SKIC3: variants seen among roughly 807,000 people sequenced by gnomAD.
The protein encoded by SKIC3 is SKI3 subunit of superkiller complex.
At chr5:95,529,374 T>A in the SKIC3 span, 8 of 485,892 alleles carry the variant, frequency 1.6e-5, no homozygotes, top group African/African-American at 5.9e-5. Flanking sequence ...AGCTAGAATA[T>A]CTCTAAAAAG....
At chr5:95,520,811 A>G in the SKIC3 span, 1 of 1,610,462 alleles carries the variant, frequency 6.2e-7, no homozygotes, top group Admixed American at 1.7e-5. Context: ...GATGGCATTC[A>G]CCCAAACCTA....
chr5:95,542,388 A>G, the SKIC3 span, among the ~76,000 whole-genome samples: 4 of 152,162 alleles, frequency 2.6e-5, no homozygotes, highest in Non-Finnish European at 4.4e-5. Context: ...CAAGCTAACT[A>G]ACATAACCAT....
the SKIC3 span, among the ~76,000 whole-genome samples, chr5:95,524,883 A>AT: frequency 3.5e-4 from 52 of 148,626 alleles, 1 homozygote; most frequent in East Asian, 1.8e-3. Flanking sequence ...AGCTGATTAG[A>AT]TTTTTTTTTT....
chr5:95,524,378 G>A, the SKIC3 span: 2 of 1,552,310 alleles, frequency 1.3e-6, no homozygotes, highest in Non-Finnish European at 1.8e-6. Context: ...GTTCAGTAAA[G>A]AGTAATTGTA....
chr5:95,542,055 A>T, the SKIC3 span: 1 of 646,668 alleles, frequency 1.5e-6, no homozygotes, highest in Admixed American at 2.7e-5. Flanking sequence ...TCTGTCTGAG[A>T]TTTGCCTCTA....
the SKIC3 span, chr5:95,517,015 C>T: frequency 5.0e-6 from 8 of 1,613,582 alleles, no homozygotes; most frequent in Non-Finnish European, 5.9e-6. Flanking sequence ...CAAGGTCACA[C>T]CATGTATTAG....
chr5:95,545,538 T>C, the SKIC3 span, among the ~76,000 whole-genome samples: 17 of 152,112 alleles, frequency 1.1e-4, no homozygotes, highest in Admixed American at 3.3e-4. Context: ...CACACCAAGT[T>C]CTGCCTCAAT....
the SKIC3 span, chr5:95,528,142 G>A: frequency 1.2e-6 from 2 of 1,613,504 alleles, no homozygotes; most frequent in Non-Finnish European, 1.7e-6. Context: ...GATTATCTAC[G>A]ATCTTCAGAG....
chr5:95,502,638 A>T, the SKIC3 span, among the ~76,000 whole-genome samples: 2 of 152,146 alleles, frequency 1.3e-5, no homozygotes, highest in Non-Finnish European at 2.9e-5. Flanking sequence ...TTTCTCTTTT[A>T]AAAAAACAAA....
the SKIC3 span, among the ~76,000 whole-genome samples, chr5:95,527,259 T>A: frequency 1.3e-5 from 2 of 152,236 alleles, no homozygotes; most frequent in Non-Finnish European, 2.9e-5. Context: ...AGCAGTCATT[T>A]GTTTTTTTGT....
the SKIC3 span, among the ~76,000 whole-genome samples, chr5:95,511,493 C>T: frequency 9.8e-5 from 15 of 152,290 alleles, no homozygotes; most frequent in South Asian, 2.1e-4. Context: ...GGCAAACCCC[C>T]CCAAGTGCTG....
At chr5:95,474,644 T>C in the SKIC3 span, among the ~76,000 whole-genome samples, 3 of 152,188 alleles carry the variant, frequency 2.0e-5, no homozygotes, top group Non-Finnish European at 2.9e-5. Context: ...TTTTCTGTAT[T>C]TCTTGGATTT....
chr5:95,503,105 C>T, the SKIC3 span: 9 of 1,301,400 alleles, frequency 6.9e-6, 1 homozygote, highest in African/African-American at 8.8e-5. Context: ...GGTCTAAATA[C>T]AATTATATCT....
the SKIC3 span, among the ~76,000 whole-genome samples, chr5:95,533,584 G>T: frequency 6.6e-6 from 1 of 152,108 alleles, no homozygotes; most frequent in South Asian, 2.1e-4. Flanking sequence ...ATTCAGAAGG[G>T]AAAGAACTCT....
At chr5:95,481,243 T>C in the SKIC3 span, among the ~76,000 whole-genome samples, 1 of 152,240 alleles carries the variant, frequency 6.6e-6, no homozygotes, top group South Asian at 2.1e-4. Flanking sequence ...AGGGATCTGG[T>C]AGAAGGTAAC....
At chr5:95,464,616 G>A in the SKIC3 span, 2 of 1,611,516 alleles carry the variant, frequency 1.2e-6, no homozygotes, top group Non-Finnish European at 1.7e-6. Flanking sequence ...GTTATTGTGA[G>A]GACAATCTCT....
At chr5:95,523,813 T>C in the SKIC3 span, 1 of 1,613,460 alleles carries the variant, frequency 6.2e-7, no homozygotes. Flanking sequence ...ACTTTGCCCA[T>C]ATATGTATCC....
the SKIC3 span, chr5:95,523,627 A>G: frequency 6.2e-7 from 1 of 1,609,708 alleles, no homozygotes. Context: ...TAAAAAAAAC[A>G]AAAAGCAAAA....
the SKIC3 span, among the ~76,000 whole-genome samples, chr5:95,553,867 G>A: frequency 6.6e-6 from 1 of 152,156 alleles, no homozygotes; most frequent in Non-Finnish European, 1.5e-5. Context: ...CACTGTTTAC[G>A]TTTTTGCATG....
Sources: gnomAD v4.1 joint callset for allele counts (sites outside exome capture counted in the v4.1 genomes callset) on GRCh38, gnomAD v4.1.1 for gene constraint, MANE v1.5 for transcripts, NCBI Gene and HGNC (gene_info 2026-07-23, HGNC 2026-07-21) for gene names.